STX4: variants seen among roughly 807,000 people sequenced by gnomAD.
The protein encoded by STX4 is syntaxin-4.
In STX4, 24 loss-of-function variants were observed where a neutral mutation model predicts 41.8. That is an observed-to-expected ratio of 0.57 (90% CI 0.42 to 0.81). The LOEUF (loss-of-function observed/expected upper bound fraction) is 0.81. STX4 is among the 30% of genes least tolerant of loss of function. STX4 has a pLI of 0.00. For missense variants in STX4, 316 were observed against 389.9 expected (o/e 0.81, Z 1.60); for synonymous variants, 158 against 156.4 (o/e 1.01, Z -0.08).
At position 31,039,764 on chromosome 16, in the gene STX4, C is replaced by T; in HGVS notation, c.855C>T (p.Val285=). ...LIAICVSITV[V]LLAVIIGVTV... The stretch of plus-strand genomic sequence containing the variant: ...CCATCTGTGTGTCCATCACCGTCGT[C>T]CTCCTAGCAGTCATCATTGGCGTCA... The change falls in exon 10 of 11, where the codon GTC becomes GTT. Residue 285 remains valine (V), a synonymous_variant. Coordinates refer to ENST00000313843, the MANE Select transcript of STX4 (RefSeq NM_004604.5). This position sits in a 1 kb window ranked among gnomAD's most constrained non-coding sequence, Gnocchi z 4.1. The T allele has an allele frequency of 6.2e-7, 1 of 1,614,226 alleles. No homozygotes were observed. Among genetic ancestry groups the T allele is most frequent in the South Asian group, 1.1e-5 (1 of 91,088 alleles).
rs996618608 is a variant in STX4, at chr16:31,039,089, A to G, written c.702+442A>G. The stretch of plus-strand genomic sequence containing the variant: ...TGGAGGAGCTGGCCTCAGTCATGCT[A>G]CAGCCAATGCCCTTTTGCAGCTGAG... On this transcript the variant is annotated intron_variant, in intron 8 of 10. Transcript: ENST00000313843. The surrounding 1 kb of genome is among the most constrained non-coding windows in gnomAD (Gnocchi z 4.1). 7 of 235,582 alleles carry G rather than the reference A, an allele frequency of 3.0e-5. No homozygotes were observed. Among genetic ancestry groups the G allele is most frequent in the East Asian group, 1.0e-4 (1 of 9,644 alleles). 14.6% of individuals were successfully genotyped at this position (235,582 alleles called of 1,614,324 possible).
Position 31,039,674 on chromosome 16 carries a change from C to T in STX4, c.813+23C>T. 6.2e-7 allele frequency: 1 copy of T among 1,614,210 alleles called. No homozygotes were observed. Among genetic ancestry groups the T allele is most frequent in the East Asian group, 2.2e-5 (1 of 44,890 alleles). On this transcript the variant is annotated intron_variant, in intron 9 of 10. Coordinates refer to ENST00000313843, the MANE Select transcript of STX4 (RefSeq NM_004604.5). This position sits in a 1 kb window ranked among gnomAD's most constrained non-coding sequence, Gnocchi z 4.1. ...AAGGTGAGCCTCCCAGGCCCGGCCA[C>T]TGCCCCAGGCACCCTGTGTGACTTC...
chr16:31,036,425 G>A (rs1031086980), intron 5 of STX4, among the ~76,000 whole-genome samples: 5 of 152,052 alleles, frequency 3.3e-5, no homozygotes, highest in African/African-American at 4.8e-5. Context: ...CACCTGTTTC[G>A]CCCAGGCAAC....
chr16:31,038,466 CG>C (rs1408570526), intron 7 of STX4, 43 bp from the exon 8 acceptor site: 1 of 1,606,466 alleles, frequency 6.2e-7, no homozygotes, highest in Non-Finnish European at 8.5e-7. Flanking sequence ...GACCTGCTGT[CG>C]GTCTCCCTGT....
At position 31,038,151 on chromosome 16, in the gene STX4, G is replaced by C; in HGVS notation, c.525G>C (p.Gln175His). ...AGMVSDEELE[Q>H]MLDSGQSEVF... ...TGGTGTCTGATGAGGAGTTGGAGCA[G>C]ATGCTGGACAGTGGGCAAAGCGAGG... The change falls in exon 7 of 11, where the codon CAG becomes CAC. Residue 175 changes from glutamine (Q) to histidine (H), a missense_variant. Physicochemically the swap from Gln to His is conservative, Grantham distance 24. Coordinates refer to ENST00000313843, the MANE Select transcript of STX4 (RefSeq NM_004604.5). The C allele has an allele frequency of 6.2e-7, 1 of 1,614,160 alleles. No individual in the cohort carries two copies. Among genetic ancestry groups the C allele is most frequent in the Non-Finnish European group, 8.5e-7 (1 of 1,180,022 alleles).
In STX4 at chr16:31,039,524, C is replaced by T. The variant is rs752043308; in HGVS notation, c.703-17C>T. ...AAGGCATCCTTACCTCCCTGAACCA[C>T]CCCATCCTCTGAGCAGGGGGAGATG... On this transcript the variant is annotated splice_polypyrimidine_tract_variant and intron_variant, in intron 8 of 10. Transcript: ENST00000313843. This position sits in a 1 kb window ranked among gnomAD's most constrained non-coding sequence, Gnocchi z 4.1. 2.5e-6 allele frequency: 4 copies of T among 1,613,286 alleles called. No homozygotes were observed. Among genetic ancestry groups the T allele is most frequent in the Non-Finnish European group, 2.5e-6 (3 of 1,179,648 alleles).
At chr16:31,038,373 C>T (rs1233432286) in intron 7 of STX4, 137 bp from the exon 8 acceptor site, 3 of 1,372,952 alleles carry the variant, frequency 2.2e-6, no homozygotes, top group Non-Finnish European at 3.0e-6. Context: ...ACCCTGAGGC[C>T]TCTAAGGGAA....
At position 31,038,242 on chromosome 16, in the gene STX4, T is replaced by G. The variant is rs2143726205; in HGVS notation, c.564+52T>G. 1.9e-6 allele frequency: 3 copies of G among 1,605,316 alleles called. No individual in the cohort carries two copies. The South Asian group carries it at 3.3e-5, about 18-fold the overall frequency. ...TGCTGTGCCTCCCATCCCCTCTGAGTCCTGTCCGTTTCTCGACCTCCTGGG... is the reference window on the plus strand; with the variant it reads ...TGCTGTGCCTCCCATCCCCTCTGAGGCCTGTCCGTTTCTCGACCTCCTGGG... On this transcript the variant is annotated intron_variant, in intron 7 of 10. Coordinates refer to ENST00000313843, the MANE Select transcript of STX4 (RefSeq NM_004604.5).
In STX4 at chr16:31,033,793, A is replaced by C. The variant is rs1238971066; in HGVS notation, c.-13A>C. ...CCCGGCTCTGGCGCCGGGGAGGGAG[A>C]GCTCAGGCCGCCATGCGGGACAGGA... On this transcript the variant is annotated 5_prime_UTR_variant, in exon 1 of 11. Coordinates refer to ENST00000313843, the MANE Select transcript of STX4 (RefSeq NM_004604.5). This position sits in a 1 kb window ranked among gnomAD's most constrained non-coding sequence, Gnocchi z 5.5. 1 of 1,450,706 alleles carries C rather than the reference A, an allele frequency of 6.9e-7. No homozygotes were observed. 89.9% of individuals were successfully genotyped at this position (1,450,706 alleles called of 1,614,324 possible).
chr16:31,034,365 A>G, intron 3 of STX4, 40 bp downstream of exon 3: 2 of 1,612,936 alleles, frequency 1.2e-6, no homozygotes, highest in Non-Finnish European at 1.7e-6. Context: ...GCTCCGCCCC[A>G]GGGATTGTGG....
intron 4 of STX4, 109 bp from the exon 5 acceptor site, chr16:31,034,861 C>A: frequency 9.6e-7 from 1 of 1,045,274 alleles, no homozygotes; most frequent in Non-Finnish European, 1.4e-6. Context: ...GAAAAATAAA[C>A]TTACTTTCTC....
intron 5 of STX4, chr16:31,035,731 C>CT (rs2056794700): frequency 6.6e-6 from 1 of 152,024 alleles, no homozygotes; most frequent in Non-Finnish European, 1.5e-5. Flanking sequence ...GAGGAACTTC[C>CT]TTGGGGCAAC....
Position 31,039,930 on chromosome 16 carries a change from A to T in STX4, c.*34A>T. 3 of 1,123,116 alleles carry T rather than the reference A, an allele frequency of 2.7e-6. No homozygotes were observed. Among genetic ancestry groups the T allele is most frequent in the Non-Finnish European group, 3.9e-6 (3 of 763,656 alleles). The allele number at this position is 1,123,116 out of a possible 1,614,324, so 69.6% of individuals were successfully genotyped here. On this transcript the variant is annotated 3_prime_UTR_variant, in exon 11 of 11. Coordinates refer to ENST00000313843, the MANE Select transcript of STX4 (RefSeq NM_004604.5). The surrounding 1 kb of genome is among the most constrained non-coding windows in gnomAD (Gnocchi z 4.1). ...CTTACAGGCACTAGGAGCACCAGGA[A>T]CCCAGGGCCTGGCCTTCTCTCCCAG... is the stretch of plus-strand genomic sequence containing the variant.
rs564858750 is a variant in STX4 at position 31,037,775 on chromosome 16, G to A, written c.379-151G>A. 135 of 667,920 alleles carry A rather than the reference G, an allele frequency of 2.0e-4. No homozygotes were observed. The East Asian group carries it at 3.6e-3, about 18-fold the overall frequency. 41.4% of individuals were successfully genotyped at this position (667,920 alleles called of 1,614,324 possible). A position where few individuals can be genotyped will look rare whatever the true frequency, so the allele number is the denominator to read the frequency against. ...TTTGGCTTTTAGTCTAAGAGAAATG[G>A]GGGAGCCTGTCAAGGTCATCACAAG... On this transcript the variant is annotated intron_variant, in intron 5 of 10. Coordinates refer to ENST00000313843, the MANE Select transcript of STX4 (RefSeq NM_004604.5).
At chr16:31,034,822 C>A in intron 4 of STX4, 148 bp from the exon 5 acceptor site, 1 of 798,934 alleles carries the variant, frequency 1.3e-6, no homozygotes, top group Non-Finnish European at 2.0e-6. Context: ...CCTCTGCATA[C>A]CTATGGGAAC....
chr16:31,037,919 T>C lies in STX4; in HGVS notation c.379-7T>C. The C allele has an allele frequency of 6.2e-7, 1 of 1,613,936 alleles. No individual in the cohort carries two copies. Among genetic ancestry groups the C allele is most frequent in the Non-Finnish European group, 8.5e-7 (1 of 1,179,924 alleles). On this transcript the variant is annotated splice_region_variant and splice_polypyrimidine_tract_variant and intron_variant, in intron 5 of 10. Transcript: ENST00000313843. ...AGGGGCACTCAGCCTATATTCTTCA[T>C]CTTTAGCATGGGGTCCTGTCCCAGC...
Position 31,039,863 on chromosome 16 carries a change from C to G in STX4, c.*15+45C>G. The G allele has an allele frequency of 1.3e-6, 2 of 1,577,646 alleles. No individual in the cohort carries two copies. Among genetic ancestry groups the G allele is most frequent in the Non-Finnish European group, 1.7e-6 (2 of 1,147,714 alleles). On this transcript the variant is annotated intron_variant, in intron 10 of 10. Coordinates refer to ENST00000313843, the MANE Select transcript of STX4 (RefSeq NM_004604.5). This position sits in a 1 kb window ranked among gnomAD's most constrained non-coding sequence, Gnocchi z 4.1. ...CCCCTGGCCTGCCCCAGCCCTGGCC[C>G]CAGCCCTCCCTCCTCCCTCAGACCC...
chr16:31,034,702 C>A, intron 4 of STX4, 166 bp downstream of exon 4: 1 of 782,910 alleles, frequency 1.3e-6, no homozygotes, highest in Non-Finnish European at 2.0e-6. Context: ...CTCTCCACAG[C>A]ACAAGTCCGC....
chr16:31,034,373 T>C, intron 3 of STX4, 48 bp downstream of exon 3: 1 of 1,612,198 alleles, frequency 6.2e-7, no homozygotes, highest in Non-Finnish European at 8.5e-7. Context: ...CCAGGGATTG[T>C]GGGGGTTGTA....
Sources: gnomAD v4.1 joint callset for allele counts (sites outside exome capture counted in the v4.1 genomes callset) on GRCh38, gnomAD v4.1.1 for gene constraint, Gnocchi (gnomAD v3.1) non-coding constraint, MANE v1.5 for transcripts, NCBI Gene and HGNC (gene_info 2026-07-23, HGNC 2026-07-21) for gene names.